Variants in SCAMP1 observed in about 807,000 individuals in gnomAD.
The protein encoded by SCAMP1 is secretory carrier-associated membrane protein 1.
A neutral mutation model predicts 41.8 loss-of-function variants in SCAMP1; 15 were observed. That is an observed-to-expected ratio of 0.36 (90% confidence interval 0.24 to 0.55). The LOEUF (loss-of-function observed/expected upper bound fraction) is 0.55, where lower values mean the gene tolerates loss of function less well. SCAMP1 is among the 20% of genes least tolerant of loss of function. The pLI is 0.86. For synonymous variants in SCAMP1, 135 were observed against 136.8 expected (o/e 0.99, Z 0.09); for missense variants, 341 against 412.6 (o/e 0.83, Z 1.50).
chr5:78,445,428 A>C (rs1753029704), intron 6 of SCAMP1, among the ~76,000 whole-genome samples: 1 of 152,246 alleles, frequency 6.6e-6, no homozygotes, highest in Non-Finnish European at 1.5e-5. Context: ...TGATACCGTA[A>C]ATACTTTATC....
At chr5:78,469,913 C>CAAAAAAA (rs1561290939) in intron 8 of SCAMP1, among the ~76,000 whole-genome samples, 76 of 23,090 alleles carry the variant, frequency 3.3e-3, no homozygotes, top group Non-Finnish European at 4.1e-3. Flanking sequence ...AAAAAAAAAA[C>CAAAAAAA]AAAAAAAAAA....
intron 1 of SCAMP1, among the ~76,000 whole-genome samples, chr5:78,372,229 GGA>G (rs752037491): frequency 2.0e-5 from 3 of 152,202 alleles, no homozygotes; most frequent in African/African-American, 4.8e-5. Context: ...TGGGATATAT[GGA>G]GAGCACTGTC....
chr5:78,475,232 T>C (rs535430722), intron 8 of SCAMP1, among the ~76,000 whole-genome samples: 7 of 152,274 alleles, frequency 4.6e-5, no homozygotes, highest in Non-Finnish European at 7.4e-5. Flanking sequence ...CAGAGGAAAA[T>C]ACAACTTTTT....
chr5:78,457,424 G>T (rs1329911380), intron 7 of SCAMP1, among the ~76,000 whole-genome samples: 38 of 152,062 alleles, frequency 2.5e-4, no homozygotes, highest in East Asian at 9.7e-4. Flanking sequence ...TCAGCTGCAG[G>T]TCTGTTGGAA....
chr5:78,362,553 G>A (rs1017216233), intron 1 of SCAMP1, among the ~76,000 whole-genome samples: 2 of 152,158 alleles, frequency 1.3e-5, no homozygotes, highest in Non-Finnish European at 2.9e-5. Context: ...TTTATAAGTG[G>A]ATGTATCCAG....
chr5:78,406,308 C>T (rs1363605044), intron 2 of SCAMP1, among the ~76,000 whole-genome samples: 2 of 152,078 alleles, frequency 1.3e-5, no homozygotes, highest in Admixed American at 6.6e-5. Flanking sequence ...GTTTCTGATA[C>T]GGGATGTCTG....
At chr5:78,361,596 T>C (rs182707371) in intron 1 of SCAMP1, among the ~76,000 whole-genome samples, 6 of 152,336 alleles carry the variant, frequency 3.9e-5, no homozygotes, top group African/African-American at 1.4e-4. Context: ...GGCTGAGATA[T>C]TCATCGTCTG....
chr5:78,447,860 TGCC>T (rs1252574160), intron 6 of SCAMP1, among the ~76,000 whole-genome samples: 14 of 50,410 alleles, frequency 2.8e-4, no homozygotes, highest in South Asian at 9.2e-4. Flanking sequence ...CCTCCTCCCC[TGCC>T]CCCCTTCCCC....
intron 1 of SCAMP1, among the ~76,000 whole-genome samples, chr5:78,366,651 C>CA (rs1331456405): frequency 6.6e-6 from 1 of 152,160 alleles, no homozygotes; most frequent in Non-Finnish European, 1.5e-5. Context: ...TTTACCTTGA[C>CA]AATGATACTT....
chr5:78,364,850 C>T (rs1481269370), intron 1 of SCAMP1, among the ~76,000 whole-genome samples: 1 of 127,480 alleles, frequency 7.8e-6, no homozygotes, highest in Non-Finnish European at 1.5e-5. Flanking sequence ...CACTTGGACA[C>T]AGGGTGGGGA....
intron 2 of SCAMP1, among the ~76,000 whole-genome samples, chr5:78,400,242 G>C (rs1751764289): frequency 6.6e-6 from 1 of 152,102 alleles, no homozygotes; most frequent in Non-Finnish European, 1.5e-5. Flanking sequence ...CTAATCTTTT[G>C]TCAATACTAT....
chr5:78,385,416 C>A (rs1751316900), intron 1 of SCAMP1, among the ~76,000 whole-genome samples: 1 of 151,648 alleles, frequency 6.6e-6, no homozygotes, highest in Non-Finnish European at 1.5e-5. Flanking sequence ...ATTCTTTTAT[C>A]TTTTGTATTT....
At chr5:78,383,867 A>G (rs1310013969) in intron 1 of SCAMP1, among the ~76,000 whole-genome samples, 2 of 152,122 alleles carry the variant, frequency 1.3e-5, no homozygotes, top group Non-Finnish European at 2.9e-5. Context: ...TGGTAATGTA[A>G]TGCCTCCAGT....
chr5:78,450,085 A>G (rs1375126759), intron 7 of SCAMP1, 51 bp downstream of exon 7: 6 of 1,045,062 alleles, frequency 5.7e-6, no homozygotes, highest in African/African-American at 1.7e-5. Flanking sequence ...ATTGTAATAT[A>G]ATTTTTGGCT....
At chr5:78,377,481 C>G (rs1751094679) in intron 1 of SCAMP1, among the ~76,000 whole-genome samples, 1 of 152,146 alleles carries the variant, frequency 6.6e-6, no homozygotes, top group African/African-American at 2.4e-5. Context: ...GTTGGGCCTG[C>G]CAGGTTTCCT....
At chr5:78,418,688 A>G in intron 4 of SCAMP1, 87 bp from the exon 5 acceptor site, 1 of 838,062 alleles carries the variant, frequency 1.2e-6, no homozygotes, top group Non-Finnish European at 1.8e-6. Flanking sequence ...TTAACATAAT[A>G]GAGTTTTTCT....
chr5:78,415,921 A>G (rs2112137241), intron 3 of SCAMP1, among the ~76,000 whole-genome samples: 1 of 152,324 alleles, frequency 6.6e-6, no homozygotes, highest in South Asian at 2.1e-4. Flanking sequence ...AAAATGATGG[A>G]ATAATAGATA....
At chr5:78,445,727 C>T (rs1363587676) in intron 6 of SCAMP1, among the ~76,000 whole-genome samples, 1 of 152,004 alleles carries the variant, frequency 6.6e-6, no homozygotes, top group African/African-American at 2.4e-5. Context: ...CTCAGCTTTT[C>T]CTTGCCCTTC....
chr5:78,457,776 C>T (rs1461450055), intron 7 of SCAMP1: 1 of 159,798 alleles, frequency 6.3e-6, no homozygotes, highest in Non-Finnish European at 1.4e-5. Context: ...GGGCGCCCCT[C>T]CCCCAGCCTC....
Sources: allele counts gnomAD v4.1 joint callset (sites outside exome capture counted in the v4.1 genomes callset), GRCh38; gene constraint gnomAD v4.1.1; transcripts MANE v1.5; gene names NCBI Gene and HGNC (gene_info 2026-07-23, HGNC 2026-07-21).